Variants in PRPF3 observed in about 807,000 individuals in gnomAD.
The protein encoded by PRPF3 is pre-mRNA processing factor 3.
Under a neutral mutation model 89.2 loss-of-function variants are expected in PRPF3, and 3 were observed. That is an observed-to-expected ratio of 0.03 (90% CI 0.02 to 0.09). The LOEUF is 0.09. Ranked by LOEUF, PRPF3 falls within the 10% of genes least tolerant of loss-of-function variation. The pLI, the probability that PRPF3 is intolerant of heterozygous loss-of-function variation, is 1.00. For missense variants in PRPF3, 463 were observed against 828.8 expected, an observed-to-expected ratio of 0.56 and a Z score of 5.42; for synonymous variants, 270 against 289.1, an observed-to-expected ratio of 0.93 and a Z score of 0.67.
chr1:150,335,733 G>A (rs1553867293), intron 7 of PRPF3, among the ~76,000 whole-genome samples: 2 of 151,338 alleles, frequency 1.3e-5, no homozygotes, highest in African/African-American at 4.9e-5. Flanking sequence ...CCAAAGTGCT[G>A]GGATTACAGG....
rs1192380517 is a variant in PRPF3, at chr1:150,344,036, A to G, written c.1427-126A>G. On this transcript the variant is annotated intron_variant, in intron 10 of 15. Transcript: ENST00000324862. ...GGATTTTCAAGATAGGAGTTATTGG[A>G]GGAAGTGAGTTTAGAGCAGAGATTT... 4.9e-6 allele frequency: 4 copies of G among 814,366 alleles called. No homozygotes were observed. The East Asian group carries it at 1.1e-4, about 22-fold the overall frequency. The allele number at this position is 814,366 out of a possible 1,614,324, so 50.4% of individuals were successfully genotyped here. A position where few individuals can be genotyped will look rare whatever the true frequency, so the allele number is the denominator to read the frequency against.
Position 150,344,232 on chromosome 1 carries a change from C to T in PRPF3, c.1497C>T (p.His499=), listed in dbSNP as rs557184419. 22 of 1,614,158 alleles carry T rather than the reference C, an allele frequency of 1.4e-5. No homozygotes were observed. Among genetic ancestry groups the T allele is most frequent in the African/African-American group, 1.1e-4 (8 of 75,038 alleles). Residue 499 remains histidine (H), a synonymous_variant, in exon 11 of 16, where the codon CAC becomes CAT. Transcript: ENST00000324862. The part of the protein sequence containing the change: ...AVQDPTKVEA[H]VRAQMAKRQK... ...AAGACCCCACGAAGGTAGAAGCCCA[C>T]GTCAGAGCTCAGATGGCAAAAAGAC...
intron 14 of PRPF3, among the ~76,000 whole-genome samples, chr1:150,348,252 C>T (rs587622450): frequency 6.6e-6 from 1 of 151,592 alleles, no homozygotes; most frequent in South Asian, 2.1e-4. Flanking sequence ...TGGCAGCGTG[C>T]GCCTGTAATC....
chr1:150,335,178 A>G lies in PRPF3; in HGVS notation c.972A>G (p.Arg324=). 1.2e-6 allele frequency: 2 copies of G among 1,614,146 alleles called. No individual in the cohort carries two copies. Among genetic ancestry groups the G allele is most frequent in the East Asian group, 2.2e-5 (1 of 44,882 alleles). The part of the protein sequence containing the change: ...RVSIAPSQRQ[R]RTFKFHDKGK... The stretch of plus-strand genomic sequence containing the variant: ...CCATTGCCCCTTCCCAGCGCCAGAG[A>G]CGCACTTTTAAATTCCATGACAAGG... The change falls in exon 7 of 16, where the codon AGA becomes AGG. Residue 324 remains arginine (R), a synonymous_variant. Transcript: ENST00000324862.
chr1:150,332,621 AC>A, intron 4 of PRPF3, 62 bp from the exon 5 acceptor site: 1 of 1,536,660 alleles, frequency 6.5e-7, no homozygotes, highest in Non-Finnish European at 9.0e-7. Flanking sequence ...GGGTTTAAAA[AC>A]CTGAATGGGA....
At position 150,344,254 on chromosome 1, in the gene PRPF3, A is replaced by G. The variant is rs1553872245; in HGVS notation, c.1519A>G (p.Arg507Gly). The G allele has an allele frequency of 8.1e-6, 13 of 1,614,216 alleles. No homozygotes were observed. Among genetic ancestry groups the G allele is most frequent in the Non-Finnish European group, 1.1e-5 (13 of 1,180,030 alleles). Residue 507 changes from arginine (R) to glycine (G), a missense_variant, in exon 11 of 16, where the codon AGA (arginine) becomes GGA (glycine). Physicochemically the swap from Arg to Gly is moderately radical, Grantham distance 125 (BLOSUM62 -2). Around this residue, in one of 8 missense-constraint regions of PRPF3, gnomAD observed 261 missense variants for 475.8 expected, o/e 0.55. Transcript: ENST00000324862. ...CCACGTCAGAGCTCAGATGGCAAAA[A>G]GACAGAAGTAAGTGCCATGGGATTG... ...EAHVRAQMAKRQKAHEEANAA... is the reference protein window; with the variant it reads ...EAHVRAQMAKGQKAHEEANAA...
chr1:150,350,773 C>A (rs1256733621), intron 15 of PRPF3, among the ~76,000 whole-genome samples: 2 of 151,464 alleles, frequency 1.3e-5, no homozygotes, highest in Non-Finnish European at 2.9e-5. Flanking sequence ...CCAGCCTGGG[C>A]AATATGGCGA....
chr1:150,327,073 T>TC, intron 3 of PRPF3, among the ~76,000 whole-genome samples: 1 of 145,496 alleles, frequency 6.9e-6, no homozygotes, highest in Non-Finnish European at 1.5e-5. Context: ...TTTTTTTTCC[T>TC]TTTTTTTTTT....
At chr1:150,330,159 A>C (rs1656180528) in intron 4 of PRPF3, 1 of 151,728 alleles carries the variant, frequency 6.6e-6, no homozygotes. Flanking sequence ...GGCTTGAGTG[A>C]TCCTCCCACC....
intron 1 of PRPF3, among the ~76,000 whole-genome samples, chr1:150,324,410 A>G (rs587757736): frequency 6.6e-6 from 1 of 152,368 alleles, no homozygotes; most frequent in African/African-American, 2.4e-5. Flanking sequence ...ATTAAAAATC[A>G]AATGGGATCT....
In PRPF3 at chr1:150,342,164, G is replaced by A. The variant is rs587632239; in HGVS notation, c.1283-1145G>A. 6.9e-4 allele frequency among the ~76,000 whole-genome samples: 104 copies of A among 151,816 alleles called. No homozygotes were observed. The Middle Eastern group carries it at 0.01, about 15-fold the overall frequency. The stretch of plus-strand genomic sequence containing the variant: ...TGGGAGGCCGAGGCGGGCAGATCAC[G>A]AGGTCAAGAAATCAACACCATCCTG... On this transcript the variant is annotated intron_variant, in intron 9 of 15. Transcript: ENST00000324862.
intron 4 of PRPF3, chr1:150,330,097 C>T (rs1656172780): frequency 6.6e-6 from 1 of 152,088 alleles, no homozygotes; most frequent in South Asian, 2.1e-4. Context: ...CTTTTTTGTC[C>T]AGGCTGGAGT....
chr1:150,346,087 A>G lies in PRPF3; in HGVS notation c.1710A>G (p.Thr570=), dbSNP rs782130614. ...CCAATGCTGGGCAACTGTACCTGAC[A>G]GGGGTGGTGGTACTGCACAAGGATG... ...IEANAGQLYL[T]GVVVLHKDVN... The change falls in exon 13 of 16, where the codon ACA becomes ACG. Residue 570 remains threonine, a synonymous_variant. Transcript: ENST00000324862. The G allele has an allele frequency of 6.2e-6, 10 of 1,614,094 alleles. No homozygotes were observed. The highest frequency in any genetic ancestry group is 5.0e-5 in the Admixed American group (3 of 59,990).
At chr1:150,324,705 C>T (rs1460368193) in intron 1 of PRPF3, among the ~76,000 whole-genome samples, 190 bp from the exon 2 acceptor site, 1 of 152,028 alleles carries the variant, frequency 6.6e-6, no homozygotes, top group Non-Finnish European at 1.5e-5. Flanking sequence ...CCACCACGCC[C>T]AGCTAATTTT....
chr1:150,344,310 A>G (rs1399005759), intron 11 of PRPF3, 49 bp downstream of exon 11: 7 of 1,613,836 alleles, frequency 4.3e-6, no homozygotes, highest in Admixed American at 1.7e-5. Context: ...ACCTTTCCCA[A>G]ACTCTTCTGG....
At chr1:150,340,257 A>T in intron 8 of PRPF3, 141 bp from the exon 9 acceptor site, 1 of 671,968 alleles carries the variant, frequency 1.5e-6, no homozygotes, top group Non-Finnish European at 2.7e-6. Flanking sequence ...TATATATTTT[A>T]GGTACCTAAA....
In PRPF3 at chr1:150,352,868, G is replaced by A. The variant is rs782052950; in HGVS notation, c.1941G>A (p.Lys647=). Residue 647 remains lysine, a synonymous_variant, in exon 16 of 16, where the codon AAG becomes AAA. Coordinates refer to ENST00000324862, the MANE Select transcript of PRPF3 (RefSeq NM_004698.4). ...TAKDRSFGEM[K]FKQCPTENMA... ...AAGACCGGAGCTTTGGAGAGATGAA[G>A]TTTAAACAGTGTCCTACAGAGAACA... 1.2e-6 allele frequency: 2 copies of A among 1,614,188 alleles called. No individual in the cohort carries two copies. The highest frequency in any genetic ancestry group is 1.7e-5 in the Admixed American group (1 of 60,014).
intron 4 of PRPF3, 82 bp from the exon 5 acceptor site, chr1:150,332,602 G>C: frequency 3.8e-6 from 5 of 1,322,906 alleles, no homozygotes; most frequent in Non-Finnish European, 5.5e-6. Flanking sequence ...CTAGACCTGA[G>C]AGCCTTGTGG....
intron 15 of PRPF3, among the ~76,000 whole-genome samples, chr1:150,352,007 G>A (rs979012969): frequency 3.9e-5 from 6 of 152,092 alleles, no homozygotes; most frequent in Non-Finnish European, 8.8e-5. Context: ...CTCCCTGAAC[G>A]CCTCTTGAGG....
Sources: allele counts gnomAD v4.1 joint callset (sites outside exome capture counted in the v4.1 genomes callset), GRCh38; gene constraint gnomAD v4.1.1; regional missense constraint gnomAD v4.1.1; transcripts MANE v1.5; gene names NCBI Gene and HGNC (gene_info 2026-07-23, HGNC 2026-07-21).